The following GALNT16 variants were observed in gnomAD, a reference collection of about 807,000 sequenced individuals.
The protein encoded by GALNT16 is UDP-GalNAc:polypeptide N-acetylgalactosaminyltransferase-like protein 1.
Under a neutral mutation model 76.1 loss-of-function variants are expected in GALNT16, and 40 were observed. That is an observed-to-expected ratio of 0.53 (90% CI 0.41 to 0.68). The LOEUF (loss-of-function observed/expected upper bound fraction) is 0.68. Among genes scored for constraint, GALNT16 ranks in the 30% least tolerant of loss-of-function variants. The pLI, the probability that GALNT16 is intolerant of heterozygous loss-of-function variation, is 0.00. For synonymous variants in GALNT16, 276 were observed against 285.2 expected, an observed-to-expected ratio of 0.97 and a Z score of 0.32; for missense variants, 621 against 731.9, an observed-to-expected ratio of 0.85 and a Z score of 1.75.
chr14:69,276,630 G>A (rs563228777), intron 1 of GALNT16, among the ~76,000 whole-genome samples: 13 of 151,416 alleles, frequency 8.6e-5, no homozygotes, highest in Non-Finnish European at 1.2e-4. Context: ...GCAGTGAGCC[G>A]AGATCACGCC....
chr14:69,334,814 G>T (rs1178077057), intron 9 of GALNT16, among the ~76,000 whole-genome samples: 2 of 152,158 alleles, frequency 1.3e-5, no homozygotes, highest in African/African-American at 4.8e-5. Flanking sequence ...GCCCCCAGGG[G>T]CTGTCTCACA....
intron 2 of GALNT16, among the ~76,000 whole-genome samples, chr14:69,321,470 T>A (rs1304882990): frequency 6.6e-6 from 1 of 152,102 alleles, no homozygotes; most frequent in Non-Finnish European, 1.5e-5. Flanking sequence ...GTGTGTTCTG[T>A]CTAGAGGGTG....
intron 14 of GALNT16, chr14:69,348,206 T>C (rs1364888803): frequency 1.6e-6 from 1 of 607,194 alleles, no homozygotes; most frequent in African/African-American, 1.8e-5. Context: ...ATTATTTGTT[T>C]AATGCCATCC....
the GALNT16 span, among the ~76,000 whole-genome samples, chr14:69,375,946 A>T: frequency 2.0e-5 from 3 of 149,034 alleles, no homozygotes; most frequent in African/African-American, 7.5e-5. Flanking sequence ...GCCCTCAAAT[A>T]GACATCTTTA....
the GALNT16 span, chr14:69,380,340 A>G: frequency 2.4e-6 from 1 of 421,076 alleles, no homozygotes; most frequent in Non-Finnish European, 4.2e-6. Context: ...AAAAAAAAAA[A>G]AGAAAGAGAA....
In GALNT16 at chr14:69,270,689, C is replaced by T. The variant is rs140837099; in HGVS notation, c.177+10222C>T. Among the ~76,000 whole-genome samples the T allele has an allele frequency of 1.6e-3, 244 of 152,318 alleles. 1 individual carries two copies. The highest frequency in any genetic ancestry group is 0.01 in the Middle Eastern group (3 of 294). On this transcript the variant is annotated intron_variant, in intron 1 of 14. Coordinates refer to ENST00000448469, the MANE Select transcript of GALNT16 (RefSeq NM_001168368.2). ...CCGTTCCAGGGGGCTTCACTTCTGA[C>T]GCCTCACACATCTGTGACCTGATTA...
chr14:69,272,548 C>T (rs2044418637), intron 1 of GALNT16, among the ~76,000 whole-genome samples: 1 of 152,128 alleles, frequency 6.6e-6, no homozygotes, highest in Non-Finnish European at 1.5e-5. Context: ...TGTAATGTTG[C>T]AGCACAATTA....
intron 1 of GALNT16, among the ~76,000 whole-genome samples, chr14:69,301,551 A>C (rs2044852543): frequency 6.6e-6 from 1 of 151,908 alleles, no homozygotes; most frequent in Non-Finnish European, 1.5e-5. Flanking sequence ...ACAGGCTTTC[A>C]CCATGTTGGC....
chr14:69,276,863 G>A (rs58870818), intron 1 of GALNT16, among the ~76,000 whole-genome samples: 9,417 of 152,274 alleles, frequency 0.062, 484 homozygotes, highest in East Asian at 0.26. Flanking sequence ...TAAGGTTGCT[G>A]GATCTCAGCT....
At chr14:69,303,216 A>G (rs993079105) in intron 1 of GALNT16, among the ~76,000 whole-genome samples, 6 of 152,198 alleles carry the variant, frequency 3.9e-5, no homozygotes, top group East Asian at 1.9e-4. Context: ...TTACTGGTTT[A>G]CATTTGCTCG....
At chr14:69,292,770 A>T (rs995271908) in intron 1 of GALNT16, among the ~76,000 whole-genome samples, 2 of 152,084 alleles carry the variant, frequency 1.3e-5, no homozygotes, top group African/African-American at 4.8e-5. Flanking sequence ...TACCAGTTTG[A>T]TTTGCTGTAC....
the GALNT16 span, among the ~76,000 whole-genome samples, chr14:69,385,147 C>T: frequency 2.6e-5 from 4 of 152,104 alleles, no homozygotes; most frequent in Admixed American, 2.6e-4. Context: ...CTCATATATG[C>T]CCTCAACCTT....
chr14:69,320,515 G>GA (rs1159490650), intron 1 of GALNT16, among the ~76,000 whole-genome samples, 196 bp from the exon 2 acceptor site: 1 of 77,056 alleles, frequency 1.3e-5, no homozygotes, highest in South Asian at 3.8e-4. Context: ...AAGAAAAAAA[G>GA]AAAAAAAAAG....
At chr14:69,301,168 A>G (rs10141602) in intron 1 of GALNT16, among the ~76,000 whole-genome samples, 39,629 of 151,952 alleles carry the variant, frequency 0.26, 5,228 homozygotes, top group Admixed American at 0.29. Context: ...CCAAGAATGG[A>G]CCTCAGGAGT....
intron 1 of GALNT16, among the ~76,000 whole-genome samples, chr14:69,291,195 G>A (rs992681617): frequency 2.0e-5 from 3 of 152,216 alleles, no homozygotes; most frequent in African/African-American, 4.8e-5. Flanking sequence ...TCGGGAGGCT[G>A]AGGCAGGAGG....
intron 1 of GALNT16, among the ~76,000 whole-genome samples, chr14:69,295,753 C>A (rs943184370): frequency 4.6e-5 from 7 of 151,532 alleles, no homozygotes; most frequent in African/African-American, 1.7e-4. Flanking sequence ...TAACATTTTG[C>A]CATTGTTCTT....
In GALNT16 at chr14:69,347,976, A is replaced by G. The variant is rs1388794966; in HGVS notation, c.1513A>G (p.Met505Val). ...CCCTGGATCCCCAGTCATACTGCAGATGTGCAACCCTAGAGAAGGCAAGCA... is the reference window on the plus strand; with the variant it reads ...CCCTGGATCCCCAGTCATACTGCAGGTGTGCAACCCTAGAGAAGGCAAGCA... ...SSPGSPVILQ[M>V]CNPREGKQKW... Residue 505 changes from methionine (M) to valine (V), a missense_variant, in exon 14 of 15, where the codon ATG becomes GTG. Physicochemically the swap from Met to Val is conservative, Grantham distance 21. Coordinates refer to ENST00000448469, the MANE Select transcript of GALNT16 (RefSeq NM_001168368.2). 6.2e-7 allele frequency: 1 copy of G among 1,614,092 alleles called. No individual in the cohort carries two copies. Among genetic ancestry groups the G allele is most frequent in the South Asian group, 1.1e-5 (1 of 91,086 alleles).
Position 69,333,877 on chromosome 14 carries a change from CAT to C in GALNT16, c.967+278_967+279del, listed in dbSNP as rs2045386716. On this transcript the variant is annotated intron_variant, in intron 9 of 14. Transcript: ENST00000448469. This position sits in a 1 kb window ranked among gnomAD's most constrained non-coding sequence, Gnocchi z 4.2. ...GGGAGCCCGTGGTCACATGGCTGGA[CAT>C]GTGTGTGGAAGAACACACAACTGTA... 3 of 411,976 alleles carry C rather than the reference CAT, an allele frequency of 7.3e-6. No homozygotes were observed. Among genetic ancestry groups the C allele is most frequent in the Non-Finnish European group, 1.3e-5 (3 of 230,734 alleles). 25.5% of individuals were successfully genotyped at this position (411,976 alleles called of 1,614,324 possible).
At chr14:69,350,211 CA>C (rs1015772849) in intron 14 of GALNT16, 1 of 152,198 alleles carries the variant, frequency 6.6e-6, no homozygotes, top group Non-Finnish European at 1.5e-5. Flanking sequence ...GACTCAGTCT[CA>C]AACAAACAAA....
Sources: gnomAD v4.1 joint callset for allele counts (sites outside exome capture counted in the v4.1 genomes callset) on GRCh38, gnomAD v4.1.1 for gene constraint, Gnocchi (gnomAD v3.1) non-coding constraint, MANE v1.5 for transcripts, NCBI Gene and HGNC (gene_info 2026-07-23, HGNC 2026-07-21) for gene names.